The following LAMC1 variants were observed in gnomAD, a reference collection of about 807,000 sequenced individuals.
LAMC1 encodes laminin subunit gamma 1.
A neutral mutation model predicts 173.6 loss-of-function variants in LAMC1; 38 were observed. The observed-to-expected ratio is 0.22, with a 90% CI of 0.17 to 0.29. The LOEUF is 0.29. Among genes scored for constraint, LAMC1 ranks in the 10% least tolerant of loss-of-function variants. The pLI is 1.00. For missense variants in LAMC1, 1,824 were observed against 2,051.8 expected (o/e 0.89, Z 2.14); for synonymous variants, 746 against 749.1 (o/e 1.00, Z 0.07).
At chr1:183,120,035 G>A (rs1259676346) in intron 11 of LAMC1, among the ~76,000 whole-genome samples, 1 of 151,810 alleles carries the variant, frequency 6.6e-6, no homozygotes, top group African/African-American at 2.4e-5. Context: ...TGGGCATGGT[G>A]GCACACACCT....
chr1:183,026,287 A>G (rs2102002822), intron 1 of LAMC1, among the ~76,000 whole-genome samples: 1 of 152,332 alleles, frequency 6.6e-6, no homozygotes, highest in Middle Eastern at 3.4e-3. Flanking sequence ...TAACTTGACT[A>G]GGATACTTGA....
At chr1:183,091,204 A>G (rs1655558205) in intron 1 of LAMC1, among the ~76,000 whole-genome samples, 1 of 152,208 alleles carries the variant, frequency 6.6e-6, no homozygotes, top group Non-Finnish European at 1.5e-5. Context: ...AGGTTTTAGT[A>G]GAAATCTTTG....
intron 11 of LAMC1, among the ~76,000 whole-genome samples, chr1:183,119,743 T>A (rs1050812085): frequency 1.1e-4 from 13 of 122,064 alleles, no homozygotes; most frequent in African/African-American, 3.4e-4. Context: ...GAAAAAAAAG[T>A]AAAATAAATA....
intron 1 of LAMC1, among the ~76,000 whole-genome samples, chr1:183,032,520 C>T (rs1558027204): frequency 6.7e-6 from 1 of 148,538 alleles, no homozygotes; most frequent in African/African-American, 2.5e-5. Flanking sequence ...ACATTGCTTG[C>T]TTTTTTTTTT....
chr1:183,137,561 T>G, intron 25 of LAMC1, 108 bp from the exon 26 acceptor site: 1 of 586,554 alleles, frequency 1.7e-6, no homozygotes, highest in Non-Finnish European at 2.7e-6. Context: ...ATATTATTAT[T>G]TCTGGATTAT....
Position 183,125,509 on chromosome 1 carries a change from C to A in LAMC1, c.2760C>A (p.Asp920Glu). ...HVTGQDCGAC[D>E]PGFYNLQSGQ... ...CTGGCCAGGACTGTGGTGCTTGTGACCCTGGATTCTACAATCTGCAGAGTG... is the reference window on the plus strand; with the variant it reads ...CTGGCCAGGACTGTGGTGCTTGTGAACCTGGATTCTACAATCTGCAGAGTG... Residue 920 changes from aspartate (D) to glutamate (E), a missense_variant, in exon 15 of 28, where the codon GAC (aspartate) becomes GAA (glutamate). Asp to Glu is a conservative substitution (Grantham distance 45). Transcript: ENST00000258341. 2 of 1,612,482 alleles carry A rather than the reference C, an allele frequency of 1.2e-6. No homozygotes were observed. Among genetic ancestry groups the A allele is most frequent in the Middle Eastern group, 1.7e-4 (1 of 6,050 alleles).
intron 25 of LAMC1, among the ~76,000 whole-genome samples, chr1:183,137,240 T>C (rs926646217): frequency 2.8e-4 from 43 of 152,340 alleles, no homozygotes; most frequent in Non-Finnish European, 5.7e-4. Context: ...AGGATTGTGG[T>C]CTTTTTGTAC....
intron 1 of LAMC1, among the ~76,000 whole-genome samples, chr1:183,098,724 CAGT>C (rs1655757293): frequency 6.6e-6 from 1 of 152,196 alleles, no homozygotes; most frequent in East Asian, 1.9e-4. Context: ...AAAAAGTCAT[CAGT>C]AGAACTCGAA....
intron 1 of LAMC1, among the ~76,000 whole-genome samples, chr1:183,084,054 C>G (rs1291673368): frequency 6.6e-6 from 1 of 152,172 alleles, no homozygotes; most frequent in African/African-American, 2.4e-5. Flanking sequence ...TCAAAGTATT[C>G]TTTAAAAAGC....
At chr1:183,045,121 G>GGTT (rs202166453) in intron 1 of LAMC1, among the ~76,000 whole-genome samples, 15 of 108,720 alleles carry the variant, frequency 1.4e-4, no homozygotes, top group Admixed American at 6.5e-4. Context: ...CTTCTCAGTA[G>GGTT]GTTTTTTTTT....
chr1:183,137,530 C>T (rs1417624422), intron 25 of LAMC1, 139 bp from the exon 26 acceptor site: 11 of 454,286 alleles, frequency 2.4e-5, no homozygotes, highest in Non-Finnish European at 3.4e-5. Context: ...TAATGTAAGT[C>T]ATGAGATAGT....
At chr1:183,138,833 C>T (rs548149180) in intron 26 of LAMC1, among the ~76,000 whole-genome samples, 3 of 152,102 alleles carry the variant, frequency 2.0e-5, no homozygotes, top group East Asian at 1.9e-4. Context: ...GTGGGTGGAT[C>T]GCCTGTGGTC....
Position 183,128,658 on chromosome 1 carries a change from A to T in LAMC1, c.3188A>T (p.Asp1063Val). The T allele has an allele frequency of 6.2e-7, 1 of 1,613,636 alleles. No homozygotes were observed. Among genetic ancestry groups the T allele is most frequent in the Non-Finnish European group, 8.5e-7 (1 of 1,179,730 alleles). The change falls in exon 18 of 28, where the codon GAT becomes GTT. Residue 1063 changes from aspartate to valine, a missense_variant. Transcript: ENST00000258341. ...CTCATAGCAAACCTTGGAACTGGGG[A>T]TGAGATGGTGACAGATCAAGCCTTC... is the stretch of plus-strand genomic sequence containing the variant. ...ESLIANLGTG[D>V]EMVTDQAFED...
At chr1:183,034,498 C>T (rs1163927315) in intron 1 of LAMC1, among the ~76,000 whole-genome samples, 1 of 152,118 alleles carries the variant, frequency 6.6e-6, no homozygotes, top group Non-Finnish European at 1.5e-5. Flanking sequence ...GTCTCGAACT[C>T]CTGACCTCGT....
intron 14 of LAMC1, 54 bp downstream of exon 14, chr1:183,124,930 A>G (rs1316437624): frequency 1.3e-5 from 20 of 1,587,038 alleles, no homozygotes; most frequent in Non-Finnish European, 1.6e-5. Context: ...TTATTGTGAG[A>G]ATTCTTGTGT....
chr1:183,120,993 CTCT>C (rs1311961635), intron 11 of LAMC1, among the ~76,000 whole-genome samples: 2 of 152,174 alleles, frequency 1.3e-5, no homozygotes, highest in Non-Finnish European at 2.9e-5. Context: ...TAGACATAAA[CTCT>C]TCTTTTCCCC....
At chr1:183,082,253 A>G (rs915737370) in intron 1 of LAMC1, among the ~76,000 whole-genome samples, 6 of 152,318 alleles carry the variant, frequency 3.9e-5, no homozygotes, top group South Asian at 2.1e-4. Flanking sequence ...AGCAAATTCA[A>G]GGGATGGATT....
chr1:183,133,369 C>G (rs2102106802), intron 21 of LAMC1, 37 bp from the exon 22 acceptor site: 1 of 1,575,954 alleles, frequency 6.3e-7, no homozygotes, highest in South Asian at 1.2e-5. Flanking sequence ...CTAAAAGCAG[C>G]TAAGATTGTC....
chr1:183,115,490 T>G (rs779340933), intron 5 of LAMC1, 30 bp from the exon 6 acceptor site: 37 of 1,483,992 alleles, frequency 2.5e-5, no homozygotes, highest in Non-Finnish European at 3.3e-5. Flanking sequence ...GGCCGAATTT[T>G]TGTTTGACAA....
Sources: allele counts gnomAD v4.1 joint callset (sites outside exome capture counted in the v4.1 genomes callset), GRCh38; gene constraint gnomAD v4.1.1; transcripts MANE v1.5; gene names NCBI Gene and HGNC (gene_info 2026-07-23, HGNC 2026-07-21).